The following IL23R variants were observed in gnomAD, a reference collection of about 807,000 sequenced individuals.
IL23R encodes interleukin 23 receptor.
Under a neutral mutation model 56.9 loss-of-function variants are expected in IL23R, and 34 were observed. The ratio of observed to expected loss-of-function variants is 0.60; its 90% CI spans 0.45 to 0.80. The LOEUF is 0.80. Among genes scored for constraint, IL23R ranks in the 30% least tolerant of loss-of-function variants. The pLI is 0.00. For synonymous variants in IL23R, 230 were observed against 249.2 expected, an observed-to-expected ratio of 0.92 and a Z score of 0.73; for missense variants, 635 against 730.0, an observed-to-expected ratio of 0.87 and a Z score of 1.50.
upstream of IL23R, among the ~76,000 whole-genome samples, chr1:67,162,746 G>A (rs924415504): frequency 3.3e-5 from 5 of 152,286 alleles, 1 homozygote; most frequent in South Asian, 8.3e-4. Context: ...TTATCCATTT[G>A]TTTGATATTC....
downstream of IL23R, among the ~76,000 whole-genome samples, chr1:67,263,260 T>G (rs892723667): frequency 2.6e-5 from 4 of 151,896 alleles, no homozygotes; most frequent in African/African-American, 4.8e-5. Flanking sequence ...ATATTTTAAA[T>G]TTTTTGTAGA....
intron 3 of IL23R, among the ~76,000 whole-genome samples, chr1:67,171,125 AT>A (rs1472351835): frequency 6.6e-6 from 1 of 152,142 alleles, no homozygotes; most frequent in African/African-American, 2.4e-5. Flanking sequence ...CAATGCCCAA[AT>A]ACTTTACTAT....
At chr1:67,161,756 T>A (rs1370551434), upstream of IL23R, among the ~76,000 whole-genome samples, 1 of 151,974 alleles carries the variant, frequency 6.6e-6, no homozygotes, top group African/African-American at 2.4e-5. Flanking sequence ...GCCTCCTAAG[T>A]AGCTGGGATT....
intron 4 of IL23R, among the ~76,000 whole-genome samples, chr1:67,184,910 A>AT (rs1210875858): frequency 6.6e-6 from 1 of 152,178 alleles, no homozygotes. Flanking sequence ...TAAAGCCCTC[A>AT]TGGATGGAAT....
intron 3 of IL23R, among the ~76,000 whole-genome samples, chr1:67,181,421 G>C (rs1429870614): frequency 6.6e-6 from 1 of 152,062 alleles, no homozygotes; most frequent in African/African-American, 2.4e-5. Flanking sequence ...CCAGTTGATC[G>C]AATTGGCTGC....
At chr1:67,204,191 G>A (rs921123234) in intron 5 of IL23R, among the ~76,000 whole-genome samples, 2 of 152,138 alleles carry the variant, frequency 1.3e-5, no homozygotes, top group African/African-American at 4.8e-5. Flanking sequence ...AGCCTCCCGA[G>A]TAGCTGGGAC....
chr1:67,230,110 T>G (rs1330406624), intron 7 of IL23R, among the ~76,000 whole-genome samples: 1 of 152,196 alleles, frequency 6.6e-6, no homozygotes, highest in Non-Finnish European at 1.5e-5. Context: ...CCTGCCCTGG[T>G]GCCACTGTCA....
At chr1:67,262,694 A>G (rs553734289), downstream of IL23R, among the ~76,000 whole-genome samples, 24 of 152,272 alleles carry the variant, frequency 1.6e-4, no homozygotes, top group South Asian at 1.2e-3. Flanking sequence ...TCATCTTTCT[A>G]TCTAGCTCTT....
intron 9 of IL23R, among the ~76,000 whole-genome samples, chr1:67,246,997 T>C (rs1433481306): frequency 1.3e-5 from 2 of 152,252 alleles, no homozygotes; most frequent in African/African-American, 4.8e-5. Flanking sequence ...TGGATGCTTC[T>C]GTATTGGGTG....
intron 7 of IL23R, among the ~76,000 whole-genome samples, chr1:67,234,155 AATT>A (rs1651302685): frequency 6.6e-6 from 1 of 152,190 alleles, no homozygotes; most frequent in African/African-American, 2.4e-5. Flanking sequence ...TGTTAAGTAT[AATT>A]TAAAAAGAAA....
At chr1:67,230,166 G>A (rs1651001981) in intron 7 of IL23R, among the ~76,000 whole-genome samples, 1 of 152,218 alleles carries the variant, frequency 6.6e-6, no homozygotes, top group African/African-American at 2.4e-5. Context: ...ATTCTAAGTG[G>A]TTTCTGGAAG....
downstream of IL23R, among the ~76,000 whole-genome samples, chr1:67,263,491 G>A (rs1313388433): frequency 1.3e-5 from 2 of 152,264 alleles, no homozygotes; most frequent in Non-Finnish European, 2.9e-5. Context: ...GCCTTCCAGT[G>A]TGTTCCCTTG....
At chr1:67,166,792 A>G (rs1184737855) in intron 1 of IL23R, among the ~76,000 whole-genome samples, 1 of 152,192 alleles carries the variant, frequency 6.6e-6, no homozygotes, top group Non-Finnish European at 1.5e-5. Flanking sequence ...AAGAATTACT[A>G]TTGCTAACAA....
At chr1:67,243,008 G>C (rs764670023) in intron 9 of IL23R, among the ~76,000 whole-genome samples, 43 of 152,110 alleles carry the variant, frequency 2.8e-4, no homozygotes, top group Non-Finnish European at 5.4e-4. Flanking sequence ...TAGTTTATAA[G>C]TCACCACACA....
rs1179338120 is a variant in IL23R, at chr1:67,169,451, A to G, written c.180A>G (p.Gln60=). The stretch of plus-strand genomic sequence containing the variant: ...GCCAAGCAGCAATTAAGAACTGCCA[A>G]CCAAGGAAACTTCATTTTTATAAAA... ...IYCQAAIKNC[Q]PRKLHFYKNG... is the part of the protein sequence containing the mutation. The change falls in exon 3 of 11, where the codon CAA becomes CAG. Residue 60 remains glutamine (Q), a synonymous_variant. Coordinates refer to ENST00000347310, the MANE Select transcript of IL23R (RefSeq NM_144701.3). 1.9e-6 allele frequency: 3 copies of G among 1,613,974 alleles called. No homozygotes were observed. Among genetic ancestry groups the G allele is most frequent in the Non-Finnish European group, 2.5e-6 (3 of 1,179,840 alleles).
rs557826986 is a variant in IL23R, at chr1:67,197,709, C to A, written c.492-3028C>A. Among the ~76,000 whole-genome samples, 78 of 152,274 alleles carry A rather than the reference C, an allele frequency of 5.1e-4. 1 individual carries two copies. The highest frequency in any genetic ancestry group is 2.5e-3 in the South Asian group (12 of 4,828). On this transcript the variant is annotated intron_variant, in intron 4 of 10. Coordinates refer to ENST00000347310, the MANE Select transcript of IL23R (RefSeq NM_144701.3). ...CCTGTAATCCCTGAACTTTGGGAGG[C>A]CAAGGCAAGAGGATCACTTGAGCTC... is the stretch of plus-strand genomic sequence containing the variant.
intron 7 of IL23R, among the ~76,000 whole-genome samples, chr1:67,224,745 C>A (rs1165984497): frequency 6.6e-6 from 1 of 152,160 alleles, no homozygotes; most frequent in African/African-American, 2.4e-5. Context: ...AATCAATCCT[C>A]CAGAATACCC....
chr1:67,159,501 C>A (rs1646799249), intron 1 of IL23R, among the ~76,000 whole-genome samples: 1 of 152,174 alleles, frequency 6.6e-6, no homozygotes, highest in African/African-American at 2.4e-5. Flanking sequence ...AATTAAGCCT[C>A]TTTTCTTCAT....
intron 1 of IL23R, among the ~76,000 whole-genome samples, chr1:67,141,879 A>G (rs1202148749): frequency 1.3e-5 from 2 of 152,126 alleles, no homozygotes; most frequent in Non-Finnish European, 2.9e-5. Context: ...CCTTTTAAGC[A>G]TTTCGTGGGG....
Sources: gnomAD v4.1 joint callset for allele counts (sites outside exome capture counted in the v4.1 genomes callset) on GRCh38, gnomAD v4.1.1 for gene constraint, MANE v1.5 for transcripts, NCBI Gene and HGNC (gene_info 2026-07-23, HGNC 2026-07-21) for gene names.